IRS1: variants seen among roughly 807,000 people sequenced by gnomAD.
IRS1 encodes the protein insulin receptor substrate 1.
IRS1 carries 34 observed loss-of-function variants against 65.6 expected under a neutral mutation model. The observed-to-expected ratio is 0.52, with a 90% CI of 0.39 to 0.69. The LOEUF (loss-of-function observed/expected upper bound fraction) is 0.69, where lower values mean the gene tolerates loss of function less well. IRS1 is among the 30% of genes least tolerant of loss of function. IRS1 has a pLI of 0.00. For synonymous variants in IRS1, 699 were observed against 683.5 expected (o/e 1.02, Z -0.35); for missense variants, 1,641 against 1,720.2 (o/e 0.95, Z 0.81).
chr2:226,799,078 C>T lies in IRS1; in HGVS notation c.-340G>A. The stretch of plus-strand genomic sequence containing the variant: ...AGGAGCGAAGATGCATCTCTCGTCG[C>T]CCCGGCTGGAGTCCGGCACAGGGAG... On this transcript the variant is annotated 5_prime_UTR_variant, in exon 1 of 2. Coordinates refer to ENST00000305123, the MANE Select transcript of IRS1 (RefSeq NM_005544.3). This position sits in a 1 kb window ranked among gnomAD's most constrained non-coding sequence, Gnocchi z 6.1. 1.6e-6 allele frequency: 2 copies of T among 1,253,156 alleles called. No individual in the cohort carries two copies. Among genetic ancestry groups the T allele is most frequent in the East Asian group, 8.9e-5 (2 of 22,494 alleles). The allele number at this position is 1,253,156 out of a possible 1,614,324, so 77.6% of individuals were successfully genotyped here.
chr2:226,746,252 T>C (rs1016285040), intron 1 of IRS1, among the ~76,000 whole-genome samples: 3 of 152,248 alleles, frequency 2.0e-5, no homozygotes, highest in African/African-American at 7.2e-5. Context: ...GTGAGATTCT[T>C]ATGCATTATT....
At chr2:226,746,780 GC>G (rs1238101794) in intron 1 of IRS1, among the ~76,000 whole-genome samples, 1 of 147,416 alleles carries the variant, frequency 6.8e-6, no homozygotes, top group Non-Finnish European at 1.5e-5. Context: ...TTTCCTAGCA[GC>G]ATTCTTTTTT....
chr2:226,791,853 T>A (rs1025405972), intron 1 of IRS1, among the ~76,000 whole-genome samples: 1 of 151,998 alleles, frequency 6.6e-6, no homozygotes, highest in Non-Finnish European at 1.5e-5. Flanking sequence ...CCGCCCTGGA[T>A]GACCCGAGAC....
At chr2:226,769,170 T>C (rs1939116620) in intron 1 of IRS1, among the ~76,000 whole-genome samples, 1 of 152,218 alleles carries the variant, frequency 6.6e-6, no homozygotes, top group African/African-American at 2.4e-5. Flanking sequence ...TATCACCGAA[T>C]CACTCTGTGA....
chr2:226,765,893 A>G (rs930531506), intron 1 of IRS1, among the ~76,000 whole-genome samples: 1 of 151,792 alleles, frequency 6.6e-6, no homozygotes, highest in African/African-American at 2.4e-5. Context: ...GCTGAAATAT[A>G]TGAAAAAACT....
chr2:226,788,143 T>C (rs1559156823), intron 1 of IRS1, among the ~76,000 whole-genome samples: 1 of 152,164 alleles, frequency 6.6e-6, no homozygotes, highest in Non-Finnish European at 1.5e-5. Flanking sequence ...CATTAAAGTA[T>C]TCTTTGGTCA....
chr2:226,747,068 G>A lies in IRS1; in HGVS notation c.*22-10818C>T, dbSNP rs575348108. On this transcript the variant is annotated intron_variant, in intron 1 of 1. Transcript: ENST00000305123. ...GCCTCCCAAAGTGCTGGGATTGCAGGTGTGAGCCATCATGCCCAGCCCTAA... is the reference window on the plus strand; with the variant it reads ...GCCTCCCAAAGTGCTGGGATTGCAGATGTGAGCCATCATGCCCAGCCCTAA... Among the ~76,000 whole-genome samples the A allele has an allele frequency of 1.5e-3, 222 of 152,144 alleles. 1 individual carries two copies. Among genetic ancestry groups the A allele is most frequent in the Admixed American group, 2.9e-3 (45 of 15,298 alleles).
chr2:226,798,958 G>C lies in IRS1; in HGVS notation c.-220C>G, dbSNP rs1160783701. On this transcript the variant is annotated 5_prime_UTR_variant, in exon 1 of 2. Coordinates refer to ENST00000305123, the MANE Select transcript of IRS1 (RefSeq NM_005544.3). This position sits in a 1 kb window ranked among gnomAD's most constrained non-coding sequence, Gnocchi z 9.4. The stretch of plus-strand genomic sequence containing the variant: ...GAGAGCCCGACCGGAGTTTTCGGGC[G>C]CTTCACGCCCGGCGGGGAGGCAGTG... 9.7e-6 allele frequency: 14 copies of C among 1,444,230 alleles called. No homozygotes were observed. The highest frequency in any genetic ancestry group is 1.3e-5 in the Non-Finnish European group (14 of 1,097,426). The allele number at this position is 1,444,230 out of a possible 1,614,324, so 89.5% of individuals were successfully genotyped here. A position where few individuals can be genotyped will look rare whatever the true frequency, so the allele number is the denominator to read the frequency against.
chr2:226,797,060 G>A lies in IRS1; in HGVS notation c.1679C>T (p.Pro560Leu), dbSNP rs1469117275. The A allele has an allele frequency of 6.2e-7, 1 of 1,611,984 alleles. No individual in the cohort carries two copies. The highest frequency in any genetic ancestry group is 8.5e-7 in the Non-Finnish European group (1 of 1,178,862). Residue 560 changes from proline (P) to leucine (L), a missense_variant, in exon 1 of 2, where the codon CCA becomes CTA. Pro to Leu is a moderately conservative substitution (Grantham distance 98). This residue lies in a region of IRS1 where 1,324 missense variants were observed against 1,361.0 expected (regional missense o/e 0.97). Transcript: ENST00000305123. This position sits in a 1 kb window ranked among gnomAD's most constrained non-coding sequence, Gnocchi z 8.1. Reference sequence around the variant, plus strand: ...CAGTCGGCCTCCACTGCCACCTCCTGGTGGGTAGGCAGGCATCATCTCTGT... The same window carrying A: ...CAGTCGGCCTCCACTGCCACCTCCTAGTGGGTAGGCAGGCATCATCTCTGT... Reference protein sequence around the residue: ...EYTEMMPAYPPGGGSGGRLPG... With the variant: ...EYTEMMPAYPLGGGSGGRLPG...
chr2:226,792,365 G>A (rs1939628905), intron 1 of IRS1: 1 of 152,018 alleles, frequency 6.6e-6, no homozygotes, highest in Non-Finnish European at 1.5e-5. Flanking sequence ...GCAGAGAGTG[G>A]GCCACAAGTA....
chr2:226,766,144 TA>T (rs1559151972), intron 1 of IRS1, among the ~76,000 whole-genome samples: 5 of 4,842 alleles, frequency 1.0e-3, no homozygotes, highest in East Asian at 3.0e-3. Context: ...TATATATATA[TA>T]TATATATATA....
At chr2:226,789,869 T>C (rs1939555486) in intron 1 of IRS1, among the ~76,000 whole-genome samples, 1 of 152,200 alleles carries the variant, frequency 6.6e-6, no homozygotes, top group Admixed American at 6.5e-5. Context: ...GGGTTTGTCT[T>C]AGGGTTTGTT....
intron 1 of IRS1, among the ~76,000 whole-genome samples, chr2:226,773,850 T>G (rs1439272051): frequency 2.0e-5 from 3 of 152,156 alleles, no homozygotes. Flanking sequence ...TAAGGCTGAT[T>G]CCATGCTGTA....
chr2:226,785,434 C>G (rs1299538779), intron 1 of IRS1, among the ~76,000 whole-genome samples: 1 of 151,994 alleles, frequency 6.6e-6, no homozygotes, highest in Non-Finnish European at 1.5e-5. Context: ...GAAACCCTGT[C>G]TCTACTAAAA....
At chr2:226,756,491 A>G (rs1207495736) in intron 1 of IRS1, among the ~76,000 whole-genome samples, 1 of 152,000 alleles carries the variant, frequency 6.6e-6, no homozygotes, top group African/African-American at 2.4e-5. Flanking sequence ...AAAAAAACAA[A>G]CTAACATATT....
rs558462185 is a variant in IRS1 at position 226,748,541 on chromosome 2, A to G, written c.*22-12291T>C. Among the ~76,000 whole-genome samples, 19 of 152,284 alleles carry G rather than the reference A, an allele frequency of 1.2e-4. No homozygotes were observed. The South Asian group carries it at 3.9e-3, about 32-fold the overall frequency. ...TCACTTTAAAAAATAAATCCACTAA[A>G]TTTATTCTCTAAGAGGCTATTCCTA... On this transcript the variant is annotated intron_variant, in intron 1 of 1. Coordinates refer to ENST00000305123, the MANE Select transcript of IRS1 (RefSeq NM_005544.3).
At chr2:226,744,786 G>T (rs1559147346) in intron 1 of IRS1, among the ~76,000 whole-genome samples, 1 of 152,140 alleles carries the variant, frequency 6.6e-6, no homozygotes, top group African/African-American at 2.4e-5. Context: ...AAAAAGGTTG[G>T]AGACCCCTGA....
At position 226,795,553 on chromosome 2, in the gene IRS1, G is replaced by GC; in HGVS notation, c.3185dup (p.Gln1064ThrfsTer17). 6.2e-7 allele frequency: 1 copy of GC among 1,613,016 alleles called. No homozygotes were observed. On this transcript the variant is annotated frameshift_variant, in exon 1 of 2. Transcript: ENST00000305123. LOFTEE classifies it high-confidence loss of function. ...CGCTCATGCCCCCAGGTCCTTGTGG[G>GC]CCCCCCAGCAGGGACGAGTGGGCAG... is the stretch of plus-strand genomic sequence containing the variant.
chr2:226,764,060 T>C (rs1938975731), intron 1 of IRS1, among the ~76,000 whole-genome samples: 1 of 150,550 alleles, frequency 6.6e-6, no homozygotes, highest in South Asian at 2.1e-4. Flanking sequence ...AAATGGATCA[T>C]GGATAAACTT....
Sources: gnomAD v4.1 joint callset for allele counts (sites outside exome capture counted in the v4.1 genomes callset) on GRCh38, gnomAD v4.1.1 for gene constraint, gnomAD v4.1.1 regional missense constraint, Gnocchi (gnomAD v3.1) non-coding constraint, MANE v1.5 for transcripts, NCBI Gene and HGNC (gene_info 2026-07-23, HGNC 2026-07-21) for gene names.